MYL4: variants seen among roughly 807,000 people sequenced by gnomAD.
MYL4 encodes myosin light chain 4.
MYL4 carries 16 observed loss-of-function variants against 21.6 expected under a neutral mutation model. The ratio of observed to expected loss-of-function variants is 0.74; its 90% confidence interval spans 0.50 to 1.12. MYL4 has a LOEUF of 1.12. MYL4 is among the 50% of genes most tolerant of loss of function. The pLI, the probability that MYL4 is intolerant of heterozygous loss-of-function variation, is 0.00. For missense variants in MYL4, 249 were observed against 252.9 expected, an observed-to-expected ratio of 0.98 and a Z score of 0.11; for synonymous variants, 82 against 95.7, an observed-to-expected ratio of 0.86 and a Z score of 0.83.
chr17:47,201,832 C>G (rs1567742237), intron 1 of MYL4, among the ~76,000 whole-genome samples: 1 of 152,108 alleles, frequency 6.6e-6, no homozygotes, highest in African/African-American at 2.4e-5. Flanking sequence ...TTATTGAATA[C>G]TTTTAATGTG....
rs2064859040 is a variant in MYL4 at position 47,221,882 on chromosome 17, C to T, written c.487+27C>T. 3.1e-6 allele frequency: 5 copies of T among 1,602,682 alleles called. No individual in the cohort carries two copies. In the South Asian group the frequency reaches 4.5e-5, roughly 14 times the overall value. ...TATGCCAGCTGGGCAGAGATGAAGA[C>T]CAAGTGGGAGGAATGGAGGGGTGGG... On this transcript the variant is annotated intron_variant, in intron 4 of 6. Coordinates refer to ENST00000393450, the MANE Select transcript of MYL4 (RefSeq NM_002476.2).
At chr17:47,197,158 G>A (rs2149036719), upstream of MYL4, among the ~76,000 whole-genome samples, 1 of 149,550 alleles carries the variant, frequency 6.7e-6, no homozygotes, top group African/African-American at 2.5e-5. Context: ...GAGTGCAGTG[G>A]CGCTATCTCG....
intron 1 of MYL4, among the ~76,000 whole-genome samples, chr17:47,211,624 C>T (rs762954167): frequency 3.9e-5 from 6 of 152,104 alleles, no homozygotes; most frequent in African/African-American, 1.2e-4. Context: ...TTCTGACCAC[C>T]CCCTACTTTT....
upstream of MYL4, among the ~76,000 whole-genome samples, chr17:47,197,060 A>G (rs2064691421): frequency 6.7e-6 from 1 of 150,342 alleles, no homozygotes. Flanking sequence ...GGCCCAGAGA[A>G]CATGCTGGTC....
chr17:47,203,830 A>G (rs925811307), intron 1 of MYL4, among the ~76,000 whole-genome samples: 1 of 152,186 alleles, frequency 6.6e-6, no homozygotes, highest in African/African-American at 2.4e-5. Flanking sequence ...CCTAAAACCG[A>G]GAATGCTTGG....
chr17:47,201,267 C>T (rs2064708322), intron 1 of MYL4, among the ~76,000 whole-genome samples: 1 of 152,076 alleles, frequency 6.6e-6, no homozygotes, highest in African/African-American at 2.4e-5. Flanking sequence ...TTTCTGCTTT[C>T]ATTTTTGGTG....
At position 47,223,034 on chromosome 17, in the gene MYL4, T is replaced by C; in HGVS notation, c.586T>C (p.Ser196Pro). 2 of 1,614,184 alleles carry C rather than the reference T, an allele frequency of 1.2e-6. No individual in the cohort carries two copies. Among genetic ancestry groups the C allele is most frequent in the Middle Eastern group, 1.6e-4 (1 of 6,062 alleles). Residue 196 changes from serine to proline, a missense_variant, in exon 6 of 7, where the codon TCA becomes CCA. Ser to Pro is a moderately conservative substitution (Grantham distance 74, BLOSUM62 -1). Coordinates refer to ENST00000393450, the MANE Select transcript of MYL4 (RefSeq NM_002476.2). ...CCTAGCCTTTGTCAAGCACATCATG[T>C]CAGGGTGAAGCAGAGTCTTCCAGGT... is the stretch of plus-strand genomic sequence containing the variant. ...NYEAFVKHIM[S>P]G is the part of the protein sequence containing the mutation.
the MYL4 span, among the ~76,000 whole-genome samples, chr17:47,194,586 T>G: frequency 1.3e-5 from 2 of 152,168 alleles, no homozygotes; most frequent in African/African-American, 4.8e-5. Flanking sequence ...TATCTTCATG[T>G]TTCTTCCTTC....
chr17:47,221,163 T>A (rs2064852910), intron 3 of MYL4, among the ~76,000 whole-genome samples: 1 of 152,244 alleles, frequency 6.6e-6, no homozygotes, highest in South Asian at 2.1e-4. Context: ...ACAAGAGAAC[T>A]GTGAATTTAT....
chr17:47,205,598 C>T (rs1022970099), upstream of MYL4, among the ~76,000 whole-genome samples: 3 of 152,218 alleles, frequency 2.0e-5, no homozygotes, highest in African/African-American at 7.2e-5. Context: ...CACAGCTCTC[C>T]TCCAGTTGTT....
upstream of MYL4, among the ~76,000 whole-genome samples, chr17:47,200,149 G>A (rs1330061535): frequency 6.8e-6 from 1 of 148,046 alleles, no homozygotes; most frequent in Non-Finnish European, 1.5e-5. Flanking sequence ...CCCAAGACAA[G>A]CACACTAGAT....
upstream of MYL4, among the ~76,000 whole-genome samples, chr17:47,207,542 G>C (rs180764004): frequency 9.1e-4 from 139 of 152,308 alleles, no homozygotes; most frequent in African/African-American, 3.0e-3. Context: ...CAGAATTGCA[G>C]GCTTAGGAGC....
In MYL4 at chr17:47,221,874, G is replaced by A; in HGVS notation, c.487+19G>A. ...ACCCTGGGTATGCCAGCTGGGCAGA[G>A]ATGAAGACCAAGTGGGAGGAATGGA... On this transcript the variant is annotated intron_variant, in intron 4 of 6. Coordinates refer to ENST00000393450, the MANE Select transcript of MYL4 (RefSeq NM_002476.2). 6.2e-7 allele frequency: 1 copy of A among 1,606,514 alleles called. No individual in the cohort carries two copies. The highest frequency in any genetic ancestry group is 2.2e-5 in the East Asian group (1 of 44,694).
At chr17:47,225,393 A>C (rs1203893943), downstream of MYL4, among the ~76,000 whole-genome samples, 1 of 152,120 alleles carries the variant, frequency 6.6e-6, no homozygotes, top group Non-Finnish European at 1.5e-5. Flanking sequence ...TTTGGTTTAG[A>C]CCCATAGCCT....
chr17:47,203,348 C>CT (rs202150259), intron 1 of MYL4, among the ~76,000 whole-genome samples: 2,458 of 152,162 alleles, frequency 0.016, 55 homozygotes, highest in African/African-American at 0.056. Context: ...TCTTTGCCCT[C>CT]TTTTTTCTTC....
chr17:47,223,192 C>T (rs2149049687), intron 6 of MYL4, 135 bp downstream of exon 6: 1 of 823,590 alleles, frequency 1.2e-6, no homozygotes, highest in Non-Finnish European at 1.9e-6. Flanking sequence ...GAAGTGAGGA[C>T]AGCCCTGCTC....
At chr17:47,209,077 G>A (rs1025357130), upstream of MYL4, 68 of 396,542 alleles carry the variant, frequency 1.7e-4, 1 homozygote, top group African/African-American at 1.3e-3. Context: ...TGGCTGCTCC[G>A]GCATATTTGA....
Position 47,222,305 on chromosome 17 carries a change from G to A in MYL4, c.488-75G>A, listed in dbSNP as rs186194669. The A allele has an allele frequency of 3.4e-4, 476 of 1,380,796 alleles. 1 individual carries two copies. In the African/African-American group the frequency reaches 5.5e-3, roughly 16 times the overall value. The allele number at this position is 1,380,796 out of a possible 1,614,324, so 85.5% of individuals were successfully genotyped here. Reference sequence around the variant, plus strand: ...GCAGTCTTGGACCTTCACACTTAAGGGGGTACTTGGGTATTGCCAGTTCCT... The same window carrying A: ...GCAGTCTTGGACCTTCACACTTAAGAGGGTACTTGGGTATTGCCAGTTCCT... On this transcript the variant is annotated intron_variant, in intron 4 of 6. Transcript: ENST00000393450.
intron 3 of MYL4, 52 bp from the exon 4 acceptor site, chr17:47,221,630 C>T: frequency 6.4e-7 from 1 of 1,569,316 alleles, no homozygotes; most frequent in South Asian, 1.2e-5. Flanking sequence ...CCTCTGCTCC[C>T]TTGAGCACCT....
Sources: gnomAD v4.1 joint callset for allele counts (sites outside exome capture counted in the v4.1 genomes callset) on GRCh38, gnomAD v4.1.1 for gene constraint, MANE v1.5 for transcripts, NCBI Gene and HGNC (gene_info 2026-07-23, HGNC 2026-07-21) for gene names.